The following LIPK variants were observed in gnomAD, a reference collection of about 807,000 sequenced individuals.
LIPK encodes lipase family member K.
LIPK carries 32 observed loss-of-function variants against 48.6 expected under a neutral mutation model. That is an observed-to-expected ratio of 0.66 (90% CI 0.50 to 0.88). LIPK has a LOEUF of 0.88. Ranked by LOEUF, LIPK falls within the 40% of genes least tolerant of loss-of-function variation. The probability of loss-of-function intolerance (pLI) is 0.00; values close to 1 mark genes in which losing one functional copy is unlikely to be tolerated. For synonymous variants in LIPK, 164 were observed against 157.4 expected (o/e 1.04, Z -0.32); for missense variants, 507 against 478.5 (o/e 1.06, Z -0.56).
chr10:88,744,474 A>G (rs988140351), intron 9 of LIPK, among the ~76,000 whole-genome samples: 6 of 152,230 alleles, frequency 3.9e-5, no homozygotes, highest in African/African-American at 1.4e-4. Flanking sequence ...AGCTTTGCAC[A>G]TGGTCCCACC....
chr10:88,741,248 G>C (rs913003461), intron 8 of LIPK, among the ~76,000 whole-genome samples: 2 of 152,158 alleles, frequency 1.3e-5, no homozygotes, highest in African/African-American at 4.8e-5. Flanking sequence ...AAAGCGTGCA[G>C]TGGTACAATC....
intron 1 of LIPK, among the ~76,000 whole-genome samples, chr10:88,715,154 G>A (rs1842093136): frequency 6.6e-6 from 1 of 151,930 alleles, no homozygotes; most frequent in African/African-American, 2.4e-5. Flanking sequence ...ATAACAAATT[G>A]GTTAATAGTG....
Position 88,728,270 on chromosome 10 carries a change from C to A in LIPK, c.223+1358C>A, listed in dbSNP as rs930559264. The A allele has an allele frequency of 8.0e-5, 15 of 186,726 alleles. No homozygotes were observed. In the South Asian group the frequency reaches 1.4e-3, roughly 17 times the overall value. 11.6% of individuals were successfully genotyped at this position (186,726 alleles called of 1,614,324 possible). A position where few individuals can be genotyped will look rare whatever the true frequency, so the allele number is the denominator to read the frequency against. On this transcript the variant is annotated intron_variant, in intron 3 of 9. Transcript: ENST00000404190. Reference sequence around the variant, plus strand: ...GCCGAGTCCTGGACATGGATGGCATCATCTCGACGTCTCCGCCCAGTACCA... The same window carrying A: ...GCCGAGTCCTGGACATGGATGGCATAATCTCGACGTCTCCGCCCAGTACCA...
At chr10:88,731,438 G>A (rs573996785) in intron 4 of LIPK, among the ~76,000 whole-genome samples, 3 of 152,300 alleles carry the variant, frequency 2.0e-5, no homozygotes, top group South Asian at 2.1e-4. Context: ...TGTTCTGGGG[G>A]AAGTAAGAAG....
chr10:88,725,029 G>T (rs1842307967), intron 2 of LIPK, among the ~76,000 whole-genome samples: 1 of 152,082 alleles, frequency 6.6e-6, no homozygotes, highest in South Asian at 2.1e-4. Flanking sequence ...GTTGGTTTCT[G>T]TTGTTTATTA....
intron 8 of LIPK, among the ~76,000 whole-genome samples, chr10:88,740,646 G>A (rs1236614348): frequency 6.6e-6 from 1 of 152,094 alleles, no homozygotes; most frequent in Admixed American, 6.5e-5. Flanking sequence ...GTGTGTGCAT[G>A]CGCACACACG....
In LIPK at chr10:88,731,117, G is replaced by A; in HGVS notation, c.358G>A (p.Gly120Arg). ...TGACGTGTGGTTGGGGAACAGCCGA[G>A]GAAACACTTGGTCCAGAAAACACCT... ...GYDVWLGNSR[G>R]NTWSRKHLKL... Residue 120 changes from glycine (G) to arginine (R), a missense_variant, in exon 4 of 10, where the codon GGA (glycine) becomes AGA (arginine). Gly to Arg is a moderately radical substitution (Grantham distance 125). Coordinates refer to ENST00000404190, the MANE Select transcript of LIPK (RefSeq NM_001080518.2). 2 of 1,605,322 alleles carry A rather than the reference G, an allele frequency of 1.2e-6. No homozygotes were observed. The highest frequency in any genetic ancestry group is 8.5e-7 in the Non-Finnish European group (1 of 1,176,430).
chr10:88,739,913 G>T (rs904165851), intron 7 of LIPK, 83 bp from the exon 8 acceptor site: 1 of 795,866 alleles, frequency 1.3e-6, no homozygotes, highest in South Asian at 2.0e-5. Flanking sequence ...AGGAAAAGAA[G>T]AAACTTTTTA....
intron 1 of LIPK, among the ~76,000 whole-genome samples, chr10:88,710,337 A>G (rs1316008996): frequency 2.0e-5 from 3 of 152,172 alleles, no homozygotes; most frequent in Admixed American, 6.6e-5. Flanking sequence ...AATTACAGCA[A>G]TATGTCAAAT....
chr10:88,736,431 A>G (rs1229545965), intron 6 of LIPK, among the ~76,000 whole-genome samples: 1 of 152,162 alleles, frequency 6.6e-6, no homozygotes, highest in Non-Finnish European at 1.5e-5. Flanking sequence ...ATGTCCCCAT[A>G]ATAATTTAAT....
In LIPK at chr10:88,724,584, T is replaced by C; in HGVS notation, c.41T>C (p.Leu14Pro). The C allele has an allele frequency of 1.2e-6, 2 of 1,610,416 alleles. No homozygotes were observed. Among genetic ancestry groups the C allele is most frequent in the Non-Finnish European group, 1.7e-6 (2 of 1,178,684 alleles). ...GCAGCAGCATGCTGGATGCTTCTTC[T>C]TGGATCTATGTATGGTTATGACAAG... ...LLAAACWMLL[L>P]GSMYGYDKKG... Residue 14 changes from leucine (L) to proline (P), a missense_variant, in exon 2 of 10, where the codon CTT becomes CCT. Transcript: ENST00000404190.
intron 9 of LIPK, among the ~76,000 whole-genome samples, chr10:88,744,378 C>A (rs1246453215): frequency 1.3e-5 from 2 of 152,204 alleles, no homozygotes; most frequent in East Asian, 3.8e-4. Context: ...CGATGAAGTG[C>A]TTTTGCCCCA....
chr10:88,724,553 C>T lies in LIPK; in HGVS notation c.10C>T (p.Leu4Phe), dbSNP rs1235938697. MWQ[L>F]LAAACWMLLL... ...CCTAGGCAGATCCCAAATGTGGCAG[C>T]TTTTAGCAGCAGCATGCTGGATGCT... The change falls in exon 2 of 10, where the codon CTT becomes TTT. Residue 4 changes from leucine (L) to phenylalanine (F), a missense_variant. Coordinates refer to ENST00000404190, the MANE Select transcript of LIPK (RefSeq NM_001080518.2). The T allele has an allele frequency of 1.9e-6, 3 of 1,603,566 alleles. No individual in the cohort carries two copies. The East Asian group carries it at 6.7e-5, about 36-fold the overall frequency.
At chr10:88,738,498 T>A (rs1010910997) in intron 7 of LIPK, among the ~76,000 whole-genome samples, 9 of 152,242 alleles carry the variant, frequency 5.9e-5, no homozygotes, top group Non-Finnish European at 1.3e-4. Flanking sequence ...GCAAGATTTA[T>A]AAAAGGCTTT....
At chr10:88,724,872 AG>A (rs1297966761) in intron 2 of LIPK, among the ~76,000 whole-genome samples, 2 of 152,216 alleles carry the variant, frequency 1.3e-5, no homozygotes, top group Non-Finnish European at 2.9e-5. Flanking sequence ...ACTACCATCC[AG>A]TGGTGGCTTC....
chr10:88,740,768 G>A (rs1330584317), intron 8 of LIPK, among the ~76,000 whole-genome samples: 1 of 152,070 alleles, frequency 6.6e-6, no homozygotes, highest in Non-Finnish European at 1.5e-5. Flanking sequence ...CTATGACGGG[G>A]AAAGTGGTGG....
At chr10:88,736,521 C>T (rs779917335) in intron 6 of LIPK, among the ~76,000 whole-genome samples, 3 of 151,920 alleles carry the variant, frequency 2.0e-5, no homozygotes, top group African/African-American at 4.9e-5. Flanking sequence ...TCAAGTGTGA[C>T]AATTTAAATA....
At chr10:88,724,746 C>T in intron 2 of LIPK, 98 bp downstream of exon 2, 1 of 732,790 alleles carries the variant, frequency 1.4e-6, no homozygotes. Context: ...TTCAGCAATT[C>T]CTCCAGTGAC....
intron 9 of LIPK, among the ~76,000 whole-genome samples, chr10:88,750,476 AG>A (rs1842845395): frequency 6.6e-6 from 1 of 152,174 alleles, no homozygotes; most frequent in Non-Finnish European, 1.5e-5. Context: ...GCTATTGAAA[AG>A]AATGAAATAA....
Sources: gnomAD v4.1 joint callset for allele counts (sites outside exome capture counted in the v4.1 genomes callset) on GRCh38, gnomAD v4.1.1 for gene constraint, MANE v1.5 for transcripts, NCBI Gene and HGNC (gene_info 2026-07-23, HGNC 2026-07-21) for gene names.